ZFAT: variants seen among roughly 807,000 people sequenced by gnomAD.
ZFAT encodes zinc finger and AT-hook domain containing, also known as zinc finger protein ZFAT.
ZFAT carries 64 observed loss-of-function variants against 117.7 expected under a neutral mutation model. That is an observed-to-expected ratio of 0.54 (90% confidence interval 0.44 to 0.67). The LOEUF (loss-of-function observed/expected upper bound fraction) is 0.67. Ranked by LOEUF, ZFAT falls within the 30% of genes least tolerant of loss-of-function variation. The pLI is 0.00. For synonymous variants in ZFAT, 679 were observed against 615.0 expected (o/e 1.10, Z -1.54); for missense variants, 1,433 against 1,584.5 (o/e 0.90, Z 1.62).
chr8:134,569,440 G>C (rs140518927), intron 10 of ZFAT, among the ~76,000 whole-genome samples: 267 of 151,912 alleles, frequency 1.8e-3, no homozygotes, highest in African/African-American at 6.2e-3. Context: ...ATTTATACCA[G>C]CAATGGCATA....
the ZFAT span, among the ~76,000 whole-genome samples, chr8:134,721,864 G>C: frequency 6.6e-6 from 1 of 152,220 alleles, no homozygotes; most frequent in Non-Finnish European, 1.5e-5. Context: ...GATGACCTCA[G>C]CCCTCACAGT....
At chr8:134,559,351 A>G (rs377060247) in intron 11 of ZFAT, among the ~76,000 whole-genome samples, 3 of 152,270 alleles carry the variant, frequency 2.0e-5, no homozygotes, top group South Asian at 2.1e-4. Context: ...CCTTCCTCAT[A>G]TATCTTAAAT....
At chr8:134,715,708 C>G (rs1429005350), upstream of ZFAT, among the ~76,000 whole-genome samples, 1 of 152,184 alleles carries the variant, frequency 6.6e-6, no homozygotes, top group Non-Finnish European at 1.5e-5. Flanking sequence ...CCCAGCTGAC[C>G]ACTGGTGGCA....
At chr8:134,544,541 T>C (rs1275784155) in intron 11 of ZFAT, among the ~76,000 whole-genome samples, 1 of 151,588 alleles carries the variant, frequency 6.6e-6, no homozygotes. Flanking sequence ...TCCTAACATA[T>C]AACCAAAAAT....
chr8:134,832,103 C>CGGGGACGCGCCAGCGCCAGGGTA, the ZFAT span, among the ~76,000 whole-genome samples: 1 of 148,460 alleles, frequency 6.7e-6, no homozygotes, highest in East Asian at 2.1e-4. Flanking sequence ...GGAGAGGGCG[C>CGGGGACGCGCCAGCGCCAGGGTA]GGGGACGCGC....
At chr8:134,829,915 T>C in the ZFAT span, among the ~76,000 whole-genome samples, 4 of 152,322 alleles carry the variant, frequency 2.6e-5, no homozygotes, top group East Asian at 1.9e-4. Flanking sequence ...AATGTGTGTA[T>C]AGTATTTCAA....
In ZFAT at chr8:134,601,974, A is replaced by G. The variant is rs1337511434; in HGVS notation, c.1745T>C (p.Val582Ala). 2 of 1,613,838 alleles carry G rather than the reference A, an allele frequency of 1.2e-6. No homozygotes were observed. Among genetic ancestry groups the G allele is most frequent in the Non-Finnish European group, 1.7e-6 (2 of 1,179,970 alleles). Residue 582 changes from valine (V) to alanine (A), a missense_variant, in exon 6 of 16, where the codon GTC becomes GCC. By Grantham distance (64) the Val-to-Ala change is moderately conservative. Coordinates refer to ENST00000377838, the MANE Select transcript of ZFAT (RefSeq NM_020863.4). ...TTGAGAATGCAGGTCTGAGGAGGAG[A>G]CCACGGTGGTTTCCAGCTCACAGGG... ...LPPCELETTV[V>A]SSSDLHSQEV...
Position 134,636,910 on chromosome 8 carries a change from C to T in ZFAT, c.448+551G>A, listed in dbSNP as rs578195343. Among the ~76,000 whole-genome samples, 257 of 152,324 alleles carry T rather than the reference C, an allele frequency of 1.7e-3. 1 individual carries two copies. The highest frequency in any genetic ancestry group is 0.01 in the Middle Eastern group (3 of 294). On this transcript the variant is annotated intron_variant, in intron 3 of 15. Coordinates refer to ENST00000377838, the MANE Select transcript of ZFAT (RefSeq NM_020863.4). Reference sequence around the variant, plus strand: ...GGCACCCGATAGTCTTTATTTTCTTCAAGAATGCCCACTGAAATCTAGTCC... The same window carrying T: ...GGCACCCGATAGTCTTTATTTTCTTTAAGAATGCCCACTGAAATCTAGTCC...
At chr8:134,697,748 TAA>T (rs1328797941) in intron 1 of ZFAT, among the ~76,000 whole-genome samples, 1 of 125,674 alleles carries the variant, frequency 8.0e-6, no homozygotes. Flanking sequence ...AACTAAAAAC[TAA>T]AAAAAAAAAA....
chr8:134,809,974 C>T, the ZFAT span, among the ~76,000 whole-genome samples: 3 of 152,132 alleles, frequency 2.0e-5, no homozygotes, highest in Admixed American at 6.5e-5. Context: ...AGTGTTAAGA[C>T]CACTTAGAAC....
chr8:134,579,771 C>A (rs542387889), intron 10 of ZFAT, among the ~76,000 whole-genome samples: 2 of 148,368 alleles, frequency 1.3e-5, no homozygotes, highest in Admixed American at 6.6e-5. Flanking sequence ...GCCAACATGG[C>A]GAAACCCCAT....
At chr8:134,510,465 T>C (rs951575193) in intron 14 of ZFAT, among the ~76,000 whole-genome samples, 67 of 152,278 alleles carry the variant, frequency 4.4e-4, no homozygotes, top group Middle Eastern at 3.4e-3. Context: ...TTCATCCTCA[T>C]GGGCAGCTTT....
At chr8:134,589,984 G>A (rs1826343935) in intron 8 of ZFAT, among the ~76,000 whole-genome samples, 1 of 152,124 alleles carries the variant, frequency 6.6e-6, no homozygotes, top group Non-Finnish European at 1.5e-5. Flanking sequence ...CCTCATATGC[G>A]ACCCATCGAA....
intron 2 of ZFAT, among the ~76,000 whole-genome samples, chr8:134,645,223 CAGTT>C (rs1253587650): frequency 6.6e-6 from 1 of 152,156 alleles, no homozygotes; most frequent in Admixed American, 6.5e-5. Flanking sequence ...AATTACTACT[CAGTT>C]AAAGGTTTAA....
intron 2 of ZFAT, among the ~76,000 whole-genome samples, chr8:134,638,250 C>T (rs1156235573): frequency 2.0e-5 from 3 of 152,266 alleles, no homozygotes; most frequent in African/African-American, 7.2e-5. Flanking sequence ...GCACTAAAGA[C>T]AATAACAATA....
chr8:134,772,158 A>G, the ZFAT span, among the ~76,000 whole-genome samples: 1 of 152,312 alleles, frequency 6.6e-6, no homozygotes, highest in Non-Finnish European at 1.5e-5. Context: ...TAATAACTAC[A>G]ATGGCCTCTA....
At chr8:134,751,813 G>T in the ZFAT span, among the ~76,000 whole-genome samples, 2 of 152,170 alleles carry the variant, frequency 1.3e-5, no homozygotes, top group Non-Finnish European at 1.5e-5. Context: ...AGTAGCATGA[G>T]TTTGGTCACA....
At chr8:134,775,080 C>T in the ZFAT span, among the ~76,000 whole-genome samples, 216 of 152,158 alleles carry the variant, frequency 1.4e-3, 1 homozygote, top group African/African-American at 3.1e-3. Flanking sequence ...ATCGTGCCAC[C>T]GCACTCCAGC....
chr8:134,667,886 G>A (rs1372933040), intron 1 of ZFAT, among the ~76,000 whole-genome samples: 1 of 152,142 alleles, frequency 6.6e-6, no homozygotes, highest in Non-Finnish European at 1.5e-5. Context: ...GACAGCACCT[G>A]GAAAATCGGG....
Sources: allele counts gnomAD v4.1 joint callset (sites outside exome capture counted in the v4.1 genomes callset), GRCh38; gene constraint gnomAD v4.1.1; transcripts MANE v1.5; gene names NCBI Gene and HGNC (gene_info 2026-07-23, HGNC 2026-07-21).